The following PCDHA1 variants were observed in gnomAD, a reference collection of about 807,000 sequenced individuals.
The protein encoded by PCDHA1 is protocadherin alpha 1.
In PCDHA1, 42 loss-of-function variants were observed where a neutral mutation model predicts 61.3. The ratio of observed to expected loss-of-function variants is 0.69; its 90% CI spans 0.54 to 0.89. The LOEUF (loss-of-function observed/expected upper bound fraction) is 0.89. Ranked by LOEUF, PCDHA1 falls within the 40% of genes least tolerant of loss-of-function variation. PCDHA1 has a pLI of 0.00. For missense variants in PCDHA1, 1,256 were observed against 1,235.3 expected (o/e 1.02, Z -0.25); for synonymous variants, 610 against 553.8 (o/e 1.10, Z -1.43).
intron 1 of PCDHA1, among the ~76,000 whole-genome samples, chr5:140,798,166 C>T (rs1192434631): frequency 2.0e-5 from 3 of 152,148 alleles, no homozygotes; most frequent in Non-Finnish European, 4.4e-5. Context: ...GCCACTGCAC[C>T]TGGTCTTTTT....
intron 1 of PCDHA1, chr5:140,814,602 A>G (rs1361623602): frequency 6.6e-6 from 1 of 152,200 alleles, no homozygotes; most frequent in Non-Finnish European, 1.5e-5. Context: ...TGTATGTGCT[A>G]TCTTGTACTT....
At position 140,824,323 on chromosome 5, in the gene PCDHA1, T is replaced by C. The variant is rs2150134104; in HGVS notation, c.2394+35639T>C. The C allele has an allele frequency of 4.3e-6, 3 of 698,316 alleles. No homozygotes were observed. In the African/African-American group the frequency reaches 5.4e-5, roughly 12 times the overall value. The allele number at this position is 698,316 out of a possible 1,614,324, so 43.3% of individuals were successfully genotyped here. Reference sequence around the variant, plus strand: ...TGGGGTAATAGATTCATCAGCTTTCTGTGATATTAAGTGTTTTTAAAATAA... The same window carrying C: ...TGGGGTAATAGATTCATCAGCTTTCCGTGATATTAAGTGTTTTTAAAATAA... On this transcript the variant is annotated intron_variant, in intron 1 of 3. Transcript: ENST00000504120.
In PCDHA1 at chr5:140,928,306, C is replaced by T. The variant is rs782598364; in HGVS notation, c.2395-50643C>T. 7.6e-5 allele frequency: 122 copies of T among 1,613,984 alleles called. No individual in the cohort carries two copies. The highest frequency in any genetic ancestry group is 1.8e-4 in the Admixed American group (11 of 60,002). ...TCTAGGCCGAGTGTTTGCCCAGGAC[C>T]CCGACCTGGGGAAGAATGGCCTTGT... is the stretch of plus-strand genomic sequence containing the variant. On this transcript the variant is annotated intron_variant, in intron 1 of 3. Coordinates refer to ENST00000504120, the MANE Select transcript of PCDHA1 (RefSeq NM_018900.4).
chr5:140,925,640 G>GAA (rs1554202829), intron 1 of PCDHA1, among the ~76,000 whole-genome samples: 1 of 75,086 alleles, frequency 1.3e-5, no homozygotes, highest in Non-Finnish European at 2.8e-5. Context: ...AGAACTTAAA[G>GAA]TATAATAATA....
chr5:140,786,504 A>G lies in PCDHA1; in HGVS notation c.214A>G (p.Arg72Gly), dbSNP rs782682818. Residue 72 changes from arginine to glycine, a missense_variant, in exon 1 of 4, where the codon AGG becomes GGG. By Grantham distance (125) the Arg-to-Gly change is moderately radical. Transcript: ENST00000504120. ...GTTCCGGGTGGCGTCCAAAACACAC[A>G]GGGACCTTCTGGAGGTAAATCTGCA... is the stretch of plus-strand genomic sequence containing the variant. Reference protein sequence around the residue: ...RLFRVASKTHRDLLEVNLQNG... With the variant: ...RLFRVASKTHGDLLEVNLQNG... 10 of 1,613,970 alleles carry G rather than the reference A, an allele frequency of 6.2e-6. No homozygotes were observed. The highest frequency in any genetic ancestry group is 1.7e-4 in the Middle Eastern group (1 of 5,852).
rs782569898 is a variant in PCDHA1 at position 140,809,024 on chromosome 5, C to T, written c.2394+20340C>T. The T allele has an allele frequency of 3.1e-6, 5 of 1,613,696 alleles. No individual in the cohort carries two copies. In the East Asian group the frequency reaches 1.1e-4, roughly 36 times the overall value. On this transcript the variant is annotated intron_variant, in intron 1 of 3. Transcript: ENST00000504120. ...CGCGTGGCTTTCGTACGAGCTGCAG[C>T]CGGGGACTGGTGGCGCGCGCATCCC...
At chr5:140,884,066 G>A in intron 1 of PCDHA1, 1 of 1,613,512 alleles carries the variant, frequency 6.2e-7, no homozygotes, top group South Asian at 1.1e-5. Flanking sequence ...GGTGGACGCC[G>A]ATTCGGGCTA....
At position 140,929,086 on chromosome 5, in the gene PCDHA1, G is replaced by A. The variant is rs899611580; in HGVS notation, c.2395-49863G>A. 2.5e-6 allele frequency: 4 copies of A among 1,614,158 alleles called. No individual in the cohort carries two copies. The South Asian group carries it at 4.4e-5, about 18-fold the overall frequency. On this transcript the variant is annotated intron_variant, in intron 1 of 3. Coordinates refer to ENST00000504120, the MANE Select transcript of PCDHA1 (RefSeq NM_018900.4). ...GGATCTGAGGTATGGAAGTAAGATG[G>A]TTTCAAATCCTTGCATGACATCAGC... is the stretch of plus-strand genomic sequence containing the variant.
intron 1 of PCDHA1, chr5:140,969,314 G>T (rs200006206): frequency 6.2e-7 from 1 of 1,614,150 alleles, no homozygotes; most frequent in African/African-American, 1.3e-5. Context: ...CAAAAATGAG[G>T]CTGTTTCTCA....
At chr5:140,869,920 G>GTC in intron 1 of PCDHA1, 1 of 1,611,398 alleles carries the variant, frequency 6.2e-7, no homozygotes, top group Non-Finnish European at 8.5e-7. Context: ...AGACGAAGGA[G>GTC]TCAATGGAGA....
At chr5:140,877,503 G>T in intron 1 of PCDHA1, 1 of 1,613,834 alleles carries the variant, frequency 6.2e-7, no homozygotes. Flanking sequence ...AGGCCCCAAA[G>T]ACGTCGTCGC....
At chr5:140,895,072 A>G (rs974661383) in intron 1 of PCDHA1, among the ~76,000 whole-genome samples, 1 of 152,090 alleles carries the variant, frequency 6.6e-6, no homozygotes, top group Admixed American at 6.5e-5. Flanking sequence ...CTCAATTCCT[A>G]TCAGTTCCTC....
chr5:140,976,546 A>G (rs2096722070), intron 1 of PCDHA1, among the ~76,000 whole-genome samples: 1 of 152,086 alleles, frequency 6.6e-6, no homozygotes, highest in Non-Finnish European at 1.5e-5. Context: ...GTAAGACCCT[A>G]TCTCATAAAT....
At chr5:140,895,103 T>C (rs1459301220) in intron 1 of PCDHA1, among the ~76,000 whole-genome samples, 3 of 152,204 alleles carry the variant, frequency 2.0e-5, no homozygotes, top group Non-Finnish European at 4.4e-5. Flanking sequence ...GGGTTTTTGC[T>C]ACAAGAAGAC....
intron 1 of PCDHA1, among the ~76,000 whole-genome samples, chr5:140,874,847 A>AT (rs1459176801): frequency 6.6e-6 from 1 of 152,242 alleles, no homozygotes; most frequent in Non-Finnish European, 1.5e-5. Context: ...TATTAGACAT[A>AT]TTTTAGTTTC....
At chr5:140,890,767 T>A (rs1342716029) in intron 1 of PCDHA1, among the ~76,000 whole-genome samples, 3 of 152,210 alleles carry the variant, frequency 2.0e-5, no homozygotes, top group African/African-American at 7.2e-5. Context: ...AAAAATATTT[T>A]AAAACCCCAT....
At chr5:140,805,704 G>C (rs1361039069) in intron 1 of PCDHA1, 1 of 647,326 alleles carries the variant, frequency 1.5e-6, no homozygotes, top group Non-Finnish European at 1.9e-6. Context: ...CCAAGAATTA[G>C]AATAAAAATT....
chr5:140,802,609 G>A, intron 1 of PCDHA1: 1 of 1,613,972 alleles, frequency 6.2e-7, no homozygotes, highest in Non-Finnish European at 8.5e-7. Flanking sequence ...AACCCGCCGG[G>A]CTGCCACATC....
chr5:140,830,029 G>C (rs781984096), intron 1 of PCDHA1: 2 of 1,613,792 alleles, frequency 1.2e-6, no homozygotes, highest in Non-Finnish European at 1.7e-6. Flanking sequence ...CGCGCCACCG[G>C]CTGCTGGTGC....
Sources: gnomAD v4.1 joint callset for allele counts (sites outside exome capture counted in the v4.1 genomes callset) on GRCh38, gnomAD v4.1.1 for gene constraint, MANE v1.5 for transcripts, NCBI Gene and HGNC (gene_info 2026-07-23, HGNC 2026-07-21) for gene names.